The following SCML4 variants were observed in gnomAD, a reference collection of about 807,000 sequenced individuals.
SCML4 encodes the protein Scm polycomb group protein like 4, also known as sex comb on midleg-like protein 4.
A neutral mutation model predicts 41.1 loss-of-function variants in SCML4; 34 were observed. The ratio of observed to expected loss-of-function variants is 0.83; its 90% CI spans 0.63 to 1.10. The LOEUF is 1.10. Among genes scored for constraint, SCML4 ranks in the 50% least tolerant of loss-of-function variants. The pLI, the probability that SCML4 is intolerant of heterozygous loss-of-function variation, is 0.00. For synonymous variants in SCML4, 214 were observed against 220.9 expected (o/e 0.97, Z 0.28); for missense variants, 522 against 534.1 (o/e 0.98, Z 0.22).
At position 107,713,493 on chromosome 6, in the gene SCML4, C is replaced by T. The variant is rs192791259; in HGVS notation, c.974-5482G>A. 6.2e-3 allele frequency among the ~76,000 whole-genome samples: 943 copies of T among 152,336 alleles called. 11 individuals carry two copies. The highest frequency in any genetic ancestry group is 0.022 in the African/African-American group (915 of 41,574). On this transcript the variant is annotated intron_variant, in intron 6 of 7. Coordinates refer to ENST00000369020, the MANE Select transcript of SCML4 (RefSeq NM_198081.5). Reference sequence around the variant, plus strand: ...CAGTGTGTCCACATGCAAAACACACCGAGTGCAGCCACAGCCAGGCTTCCC... The same window carrying T: ...CAGTGTGTCCACATGCAAAACACACTGAGTGCAGCCACAGCCAGGCTTCCC...
rs114231893 is a variant in SCML4 at position 107,780,083 on chromosome 6, T to C, written c.-59-7697A>G. Among the ~76,000 whole-genome samples, 812 of 152,328 alleles carry C rather than the reference T, an allele frequency of 5.3e-3. 6 individuals are homozygous for C. Among genetic ancestry groups the C allele is most frequent in the African/African-American group, 0.018 (753 of 41,576 alleles). On this transcript the variant is annotated intron_variant, in intron 1 of 7. Coordinates refer to ENST00000369020, the MANE Select transcript of SCML4 (RefSeq NM_198081.5). The stretch of plus-strand genomic sequence containing the variant: ...CAGTATTGCACCCACAGAGCACGCC[T>C]GGCACCGGTGACAACCTGTTCACTG...
chr6:107,826,774 G>C (rs1243963050), upstream of SCML4, among the ~76,000 whole-genome samples: 1 of 152,132 alleles, frequency 6.6e-6, no homozygotes, highest in Admixed American at 6.5e-5. Context: ...ATCAACAAAA[G>C]CTGGATTGCT....
At chr6:107,835,538 G>A in the SCML4 span, among the ~76,000 whole-genome samples, 3 of 151,852 alleles carry the variant, frequency 2.0e-5, no homozygotes, top group African/African-American at 4.8e-5. Context: ...CCAGGAGTTC[G>A]AGACCAGCCT....
intron 1 of SCML4, among the ~76,000 whole-genome samples, chr6:107,822,508 C>CTTTTTTTTTTTTT (rs10677944): frequency 2.9e-5 from 4 of 137,998 alleles, no homozygotes; most frequent in African/African-American, 1.1e-4. Flanking sequence ...TTTTTCTTTT[C>CTTTTTTTTTTTTT]TTTTTTTTTT....
intron 1 of SCML4, among the ~76,000 whole-genome samples, chr6:107,822,555 G>A (rs566208929): frequency 4.0e-5 from 6 of 148,194 alleles, no homozygotes; most frequent in Non-Finnish European, 7.4e-5. Context: ...GGGACACAGG[G>A]AAGAAATGTA....
intron 1 of SCML4, among the ~76,000 whole-genome samples, chr6:107,787,475 A>G (rs948441891): frequency 1.3e-5 from 2 of 152,040 alleles, no homozygotes; most frequent in African/African-American, 4.8e-5. Context: ...ATATATATAT[A>G]TTTTTGCAAA....
rs1554222237 is a variant in SCML4, at chr6:107,802,580, G to GAGGAAGGACGGAAGGA, written c.-60+21545_-60+21546insTCCTTCCGTCCTTCCT. On this transcript the variant is annotated intron_variant, in intron 1 of 7. Coordinates refer to ENST00000369020, the MANE Select transcript of SCML4 (RefSeq NM_198081.5). ...AGAGCATTGGCTCGAGGGAGGGAGG[G>GAGGAAGGACGGAAGGA]AGGAAGGAAGGAAGGAAGGAAGGAA... is the stretch of plus-strand genomic sequence containing the variant. Among the ~76,000 whole-genome samples, 220 of 36,434 alleles carry GAGGAAGGACGGAAGGA rather than the reference G, an allele frequency of 6.0e-3. 20 individuals carry two copies. The highest frequency in any genetic ancestry group is 0.017 in the African/African-American group (209 of 12,324). 23.9% of individuals were successfully genotyped at this position (36,434 alleles called of 152,430 possible). A position where few individuals can be genotyped will look rare whatever the true frequency, so the allele number is the denominator to read the frequency against.
chr6:107,772,264 T>C lies in SCML4; in HGVS notation c.64A>G (p.Lys22Glu). 6.4e-7 allele frequency: 1 copy of C among 1,551,802 alleles called. No individual in the cohort carries two copies. Among genetic ancestry groups the C allele is most frequent in the South Asian group, 1.2e-5 (1 of 84,062 alleles). The change falls in exon 2 of 8, where the codon AAG (lysine) becomes GAG (glutamate). Residue 22 changes from lysine to glutamate, a missense_variant. By Grantham distance (56) the Lys-to-Glu change is moderately conservative. Transcript: ENST00000369020. Reference sequence around the variant, plus strand: ...GAATAAAGGTTATGAACTGCCATCTTCATAGGCGTGGAGTGAAGTGAGGGT... The same window carrying C: ...GAATAAAGGTTATGAACTGCCATCTCCATAGGCGTGGAGTGAAGTGAGGGT... ...GRPSLHSTPMKMAVHNLYSAS... is the reference protein window; with the variant it reads ...GRPSLHSTPMEMAVHNLYSAS...
At position 107,766,951 on chromosome 6, in the gene SCML4, T is replaced by C. The variant is rs6928624; in HGVS notation, c.156+5221A>G. 1.6e-3 allele frequency among the ~76,000 whole-genome samples: 117 copies of C among 73,248 alleles called. 2 individuals carry two copies. Among genetic ancestry groups the C allele is most frequent in the African/African-American group, 6.1e-3 (28 of 4,608 alleles). The allele number at this position is 73,248 out of a possible 152,430, so 48.1% of individuals were successfully genotyped here. A position where few individuals can be genotyped will look rare whatever the true frequency, so the allele number is the denominator to read the frequency against. On this transcript the variant is annotated intron_variant, in intron 2 of 7. Coordinates refer to ENST00000369020, the MANE Select transcript of SCML4 (RefSeq NM_198081.5). ...CTTCCCATCTGTACTATTAAGCTATTTTTTTTTTTTTTTTTTTTGAGACAG... is the reference window on the plus strand; with the variant it reads ...CTTCCCATCTGTACTATTAAGCTATCTTTTTTTTTTTTTTTTTTGAGACAG...
intron 2 of SCML4, among the ~76,000 whole-genome samples, chr6:107,766,000 C>T (rs919353553): frequency 2.6e-5 from 4 of 152,286 alleles, no homozygotes; most frequent in African/African-American, 9.6e-5. Flanking sequence ...AAACTATTAT[C>T]CAATCCAGGC....
chr6:107,721,111 C>G (rs2114403866), intron 5 of SCML4, 118 bp from the exon 6 acceptor site: 2 of 1,280,652 alleles, frequency 1.6e-6, no homozygotes, highest in Non-Finnish European at 2.1e-6. Context: ...TGTGAGCATG[C>G]AGAGAGGAGA....
intron 1 of SCML4, among the ~76,000 whole-genome samples, chr6:107,818,799 G>A (rs1784737383): frequency 1.3e-5 from 2 of 152,292 alleles, no homozygotes; most frequent in South Asian, 4.1e-4. Context: ...TTAAAATCCT[G>A]AGGCCAGCCC....
chr6:107,771,205 A>C (rs1308561548), intron 2 of SCML4, among the ~76,000 whole-genome samples: 1 of 152,190 alleles, frequency 6.6e-6, no homozygotes, highest in Non-Finnish European at 1.5e-5. Flanking sequence ...ATAAAGATTG[A>C]ATTCATTACC....
rs191430900 is a variant in SCML4 at position 107,768,284 on chromosome 6, T to C, written c.156+3888A>G. On this transcript the variant is annotated intron_variant, in intron 2 of 7. Coordinates refer to ENST00000369020, the MANE Select transcript of SCML4 (RefSeq NM_198081.5). ...GGGTCCCCACCCCATGGAGCCATCA[T>C]ACCAGCCTTCCCACACTTTAACATG... Among the ~76,000 whole-genome samples the C allele has an allele frequency of 5.7e-4, 87 of 152,244 alleles. 1 individual carries two copies. The highest frequency in any genetic ancestry group is 1.9e-3 in the African/African-American group (79 of 41,530).
chr6:107,803,652 T>C (rs1019892157), intron 1 of SCML4, among the ~76,000 whole-genome samples: 11 of 146,692 alleles, frequency 7.5e-5, no homozygotes, highest in East Asian at 2.0e-4. Context: ...ATGGTTGCCA[T>C]GTCTGTGTAG....
chr6:107,835,763 CAA>C, the SCML4 span, among the ~76,000 whole-genome samples: 1 of 86,374 alleles, frequency 1.2e-5, no homozygotes, highest in Non-Finnish European at 2.1e-5. Context: ...GACCCCATCT[CAA>C]AAAAAAAAAA....
At chr6:107,797,024 GT>G (rs1443591505) in intron 1 of SCML4, among the ~76,000 whole-genome samples, 1 of 152,002 alleles carries the variant, frequency 6.6e-6, no homozygotes, top group Admixed American at 6.5e-5. Flanking sequence ...TTTTATTGAT[GT>G]TTTTGTTTAT....
upstream of SCML4, among the ~76,000 whole-genome samples, chr6:107,827,223 T>C (rs1785291440): frequency 6.8e-6 from 1 of 147,312 alleles, no homozygotes. Context: ...TTTAAATATA[T>C]CTTTATATTT....
At chr6:107,722,567 C>T (rs1435221239) in intron 5 of SCML4, among the ~76,000 whole-genome samples, 2 of 152,092 alleles carry the variant, frequency 1.3e-5, no homozygotes, top group Admixed American at 6.5e-5. Flanking sequence ...AACAAAACAA[C>T]AACAACAACA....
Sources: gnomAD v4.1 joint callset for allele counts (sites outside exome capture counted in the v4.1 genomes callset) on GRCh38, gnomAD v4.1.1 for gene constraint, MANE v1.5 for transcripts, NCBI Gene and HGNC (gene_info 2026-07-23, HGNC 2026-07-21) for gene names.